PLEKHG7: variants seen among roughly 807,000 people sequenced by gnomAD.
PLEKHG7 encodes the protein pleckstrin homology and RhoGEF domain containing G7, also known as pleckstrin homology domain-containing family G member 7.
A neutral mutation model predicts 85.2 loss-of-function variants in PLEKHG7; 77 were observed. The ratio of observed to expected loss-of-function variants is 0.90; its 90% CI spans 0.75 to 1.09. The LOEUF (loss-of-function observed/expected upper bound fraction) is 1.09. Ranked by LOEUF, PLEKHG7 falls within the 50% of genes least tolerant of loss-of-function variation. PLEKHG7 has a pLI of 0.00. For missense variants in PLEKHG7, 777 were observed against 804.3 expected, an observed-to-expected ratio of 0.97 and a Z score of 0.41; for synonymous variants, 301 against 302.4, an observed-to-expected ratio of 1.00 and a Z score of 0.05.
chr12:92,727,274 T>C lies in PLEKHG7; in HGVS notation c.531-1719T>C, dbSNP rs1482770227. 3.9e-5 allele frequency among the ~76,000 whole-genome samples: 6 copies of C among 152,332 alleles called. 1 individual carries two copies. The South Asian group carries it at 1.0e-3, about 26-fold the overall frequency. The stretch of plus-strand genomic sequence containing the variant: ...CTCCTTGCATCTTTTTAAAAACTTA[T>C]TTTAATTCAGAGAGTACATGTGCAT... On this transcript the variant is annotated intron_variant, in intron 3 of 16. Transcript: ENST00000344636.
rs762134709 is a variant in PLEKHG7, at chr12:92,770,070, TTTTC to T, written c.1969-14_1969-11del. On this transcript the variant is annotated splice_polypyrimidine_tract_variant and intron_variant, in intron 16 of 16. Coordinates refer to ENST00000344636, the MANE Select transcript of PLEKHG7 (RefSeq NM_001377329.1). ...CATTCTAATCTCTATTTATGTATTT[TTTTC>T]TTTTTTTCAACAGAAAACATGGATG... 2.1e-5 allele frequency: 31 copies of T among 1,488,738 alleles called. No homozygotes were observed. The highest frequency in any genetic ancestry group is 2.9e-5 in the Non-Finnish European group (31 of 1,087,216). 92.2% of individuals were successfully genotyped at this position (1,488,738 alleles called of 1,614,324 possible). A position where few individuals can be genotyped will look rare whatever the true frequency, so the allele number is the denominator to read the frequency against.
At chr12:92,760,045 T>C (rs1565797042) in intron 13 of PLEKHG7, among the ~76,000 whole-genome samples, 1 of 152,200 alleles carries the variant, frequency 6.6e-6, no homozygotes, top group Non-Finnish European at 1.5e-5. Flanking sequence ...CCAATATGTC[T>C]GTATTCTACC....
In PLEKHG7 at chr12:92,707,095, G is replaced by C. The variant is rs1871258035; in HGVS notation, c.464G>C (p.Gly155Ala). 5 of 1,614,018 alleles carry C rather than the reference G, an allele frequency of 3.1e-6. No individual in the cohort carries two copies. Among genetic ancestry groups the C allele is most frequent in the Non-Finnish European group, 4.2e-6 (5 of 1,179,988 alleles). Reference sequence around the variant, plus strand: ...CAGGCCTCTCTTCGGCAGCAAGAAGGCCACTTCCTGCCCAGCCCCACCCTA... The same window carrying C: ...CAGGCCTCTCTTCGGCAGCAAGAAGCCCACTTCCTGCCCAGCCCCACCCTA... Reference protein sequence around the residue: ...LHQASLRQQEGHFLPSPTLRH... With the variant: ...LHQASLRQQEAHFLPSPTLRH... The change falls in exon 2 of 17, where the codon GGC (glycine) becomes GCC (alanine). Residue 155 changes from glycine (G) to alanine (A), a missense_variant. Physicochemically the swap from Gly to Ala is moderately conservative, Grantham distance 60 (BLOSUM62 0). Coordinates refer to ENST00000344636, the MANE Select transcript of PLEKHG7 (RefSeq NM_001377329.1).
chr12:92,722,834 A>G (rs1417044389), intron 3 of PLEKHG7, among the ~76,000 whole-genome samples: 3 of 152,208 alleles, frequency 2.0e-5, no homozygotes, highest in Non-Finnish European at 4.4e-5. Context: ...TTATTCAACA[A>G]GCTTATCTGA....
chr12:92,724,593 G>T (rs866916346), intron 3 of PLEKHG7, among the ~76,000 whole-genome samples: 6 of 152,280 alleles, frequency 3.9e-5, no homozygotes, highest in South Asian at 4.1e-4. Flanking sequence ...AACATAACAA[G>T]ATCCCAGGCA....
Position 92,737,512 on chromosome 12 carries a change from T to C in PLEKHG7, c.930T>C (p.Val310=). The C allele has an allele frequency of 6.2e-7, 1 of 1,607,360 alleles. No homozygotes were observed. Among genetic ancestry groups the C allele is most frequent in the Non-Finnish European group, 8.5e-7 (1 of 1,178,536 alleles). The part of the protein sequence containing the change: ...ECTYFLDHLL[V]LKMIFMNTLR... The stretch of plus-strand genomic sequence containing the variant: ...CCTATTTTTTGGACCATTTATTAGT[T>C]CTTAAGATGGTAATGCCAGGCTTAA... Residue 310 remains valine (V), a synonymous_variant, in exon 7 of 17, where the codon GTT becomes GTC. Coordinates refer to ENST00000344636, the MANE Select transcript of PLEKHG7 (RefSeq NM_001377329.1).
intron 3 of PLEKHG7, among the ~76,000 whole-genome samples, chr12:92,711,940 C>T (rs777618942): frequency 1.3e-5 from 2 of 152,202 alleles, no homozygotes; most frequent in Admixed American, 6.5e-5. Context: ...TCCAAATAGG[C>T]CTACTAGGCA....
At chr12:92,761,650 GAAA>G (rs1873023618) in intron 13 of PLEKHG7, 99 bp from the exon 14 acceptor site, 1 of 1,166,280 alleles carries the variant, frequency 8.6e-7, no homozygotes. Flanking sequence ...AAGAAAGAAA[GAAA>G]GAAAGAAAGA....
chr12:92,732,772 T>C (rs1403624071), intron 5 of PLEKHG7, among the ~76,000 whole-genome samples: 2 of 152,310 alleles, frequency 1.3e-5, no homozygotes, highest in East Asian at 1.9e-4. Context: ...TGACGAGTTA[T>C]CCATCTCAAT....
intron 13 of PLEKHG7, among the ~76,000 whole-genome samples, chr12:92,758,305 A>G (rs1872892621): frequency 1.3e-5 from 2 of 152,244 alleles, no homozygotes; most frequent in Admixed American, 1.3e-4. Context: ...TATGGGAGAC[A>G]TTGCAAAGGC....
intron 4 of PLEKHG7, among the ~76,000 whole-genome samples, 170 bp downstream of exon 4, chr12:92,729,290 C>T (rs1871913338): frequency 6.6e-6 from 1 of 151,652 alleles, no homozygotes; most frequent in Admixed American, 6.6e-5. Flanking sequence ...ATTACGGGAA[C>T]CAGCTGAGTA....
chr12:92,757,533 T>C (rs1872868411), intron 13 of PLEKHG7, among the ~76,000 whole-genome samples: 1 of 152,202 alleles, frequency 6.6e-6, no homozygotes, highest in South Asian at 2.1e-4. Context: ...AATCCCCACC[T>C]GGCAGCTGTT....
At chr12:92,715,335 G>A (rs930086701) in intron 3 of PLEKHG7, among the ~76,000 whole-genome samples, 3 of 151,908 alleles carry the variant, frequency 2.0e-5, no homozygotes, top group African/African-American at 4.8e-5. Flanking sequence ...GCCTTCCCCC[G>A]CCCACTGACT....
At chr12:92,705,771 C>G (rs1592669947) in intron 1 of PLEKHG7, among the ~76,000 whole-genome samples, 1 of 152,212 alleles carries the variant, frequency 6.6e-6, no homozygotes, top group East Asian at 1.9e-4. Flanking sequence ...AATAACGAAA[C>G]TGCAATAAGC....
intron 13 of PLEKHG7, 90 bp from the exon 14 acceptor site, chr12:92,761,648 AAGAAAGAAAGAAAG>A: frequency 1.8e-6 from 2 of 1,127,828 alleles, no homozygotes; most frequent in Non-Finnish European, 2.3e-6. Context: ...GAAAGAAAGA[AAGAAAGAAAGAAAG>A]AAAGAAAGAA....
chr12:92,724,805 G>A (rs1032626372), intron 3 of PLEKHG7, among the ~76,000 whole-genome samples: 8 of 152,132 alleles, frequency 5.3e-5, no homozygotes, highest in African/African-American at 1.9e-4. Flanking sequence ...TGGGTCACAT[G>A]GCCTTCAGTA....
At chr12:92,722,813 A>G (rs1871684465) in intron 3 of PLEKHG7, among the ~76,000 whole-genome samples, 1 of 152,260 alleles carries the variant, frequency 6.6e-6, no homozygotes. Flanking sequence ...TCTATAGGTC[A>G]ACATGTCTAT....
At chr12:92,743,138 A>G (rs922718185) in intron 9 of PLEKHG7, among the ~76,000 whole-genome samples, 2 of 152,120 alleles carry the variant, frequency 1.3e-5, no homozygotes, top group African/African-American at 2.4e-5. Flanking sequence ...ATGTCTCACT[A>G]TGCTCTGCTT....
chr12:92,761,631 A>AAAGAAAGAAAG lies in PLEKHG7; in HGVS notation c.1637-118_1637-108dup, dbSNP rs1873012889. ...AAAAAGAAAGAAAGAAAGAAGAAAG[A>AAAGAAAGAAAG]AAGAAAGAAAGAAAGAAAGAAAGAA... On this transcript the variant is annotated intron_variant, in intron 13 of 16. Transcript: ENST00000344636. The AAAGAAAGAAAG allele has an allele frequency of 2.6e-5, 4 of 153,058 alleles. No homozygotes were observed. The African/African-American group carries it at 3.2e-4, about 12-fold the overall frequency. 9.5% of individuals were successfully genotyped at this position (153,058 alleles called of 1,614,324 possible).
Sources: allele counts gnomAD v4.1 joint callset (sites outside exome capture counted in the v4.1 genomes callset), GRCh38; gene constraint gnomAD v4.1.1; transcripts MANE v1.5; gene names NCBI Gene and HGNC (gene_info 2026-07-23, HGNC 2026-07-21).